The following PRKG1 variants were observed in gnomAD, a reference collection of about 807,000 sequenced individuals.
PRKG1 encodes the protein cGMP-dependent protein kinase 1.
Under a neutral mutation model 88.1 loss-of-function variants are expected in PRKG1, and 35 were observed. The ratio of observed to expected loss-of-function variants is 0.40; its 90% CI spans 0.30 to 0.53. PRKG1 has a LOEUF of 0.53. Among genes scored for constraint, PRKG1 ranks in the 20% least tolerant of loss-of-function variants. The pLI, the probability that PRKG1 is intolerant of heterozygous loss-of-function variation, is 0.59. For missense variants in PRKG1, 540 were observed against 839.8 expected (o/e 0.64, Z 4.41); for synonymous variants, 303 against 292.5 (o/e 1.04, Z -0.37).
At chr10:51,383,323 A>G (rs1837160025) in intron 2 of PRKG1, among the ~76,000 whole-genome samples, 1 of 152,112 alleles carries the variant, frequency 6.6e-6, no homozygotes, top group South Asian at 2.1e-4. Flanking sequence ...AAGAAAGAGA[A>G]GGAGGGAAAA....
chr10:51,895,105 T>C (rs1434885115), intron 4 of PRKG1, among the ~76,000 whole-genome samples: 3 of 152,220 alleles, frequency 2.0e-5, no homozygotes, highest in Admixed American at 2.0e-4. Context: ...CCACATTAAA[T>C]TAATCATCTG....
At chr10:51,759,549 C>T (rs1296450554) in intron 3 of PRKG1, among the ~76,000 whole-genome samples, 5 of 152,174 alleles carry the variant, frequency 3.3e-5, no homozygotes, top group Non-Finnish European at 5.9e-5. Context: ...GCTGGGATTA[C>T]AGGTGTGAGA....
chr10:51,250,095 C>G (rs1839391447), intron 2 of PRKG1, among the ~76,000 whole-genome samples: 1 of 151,636 alleles, frequency 6.6e-6, no homozygotes, highest in Non-Finnish European at 1.5e-5. Flanking sequence ...GAGGCTTGTC[C>G]CTCTCATTGC....
intron 5 of PRKG1, among the ~76,000 whole-genome samples, chr10:52,007,809 G>A (rs77629034): frequency 0.044 from 6,738 of 152,052 alleles, 360 homozygotes; most frequent in African/African-American, 0.13. Context: ...CCACCTAAAA[G>A]CAACAGAATA....
At chr10:51,691,371 G>A (rs1317744379) in intron 3 of PRKG1, among the ~76,000 whole-genome samples, 1 of 149,988 alleles carries the variant, frequency 6.7e-6, no homozygotes, top group Non-Finnish European at 1.5e-5. Flanking sequence ...GCAGTGGCGA[G>A]ATCCCGGCTC....
intron 1 of PRKG1, among the ~76,000 whole-genome samples, chr10:51,135,277 T>C (rs1845660787): frequency 6.6e-6 from 1 of 152,168 alleles, no homozygotes; most frequent in Admixed American, 6.6e-5. Flanking sequence ...AAAACCTTTT[T>C]AGGCAGAGAG....
intron 3 of PRKG1, chr10:51,698,653 A>G (rs939004475): frequency 1.2e-6 from 2 of 1,614,162 alleles, no homozygotes; most frequent in Admixed American, 1.7e-5. Flanking sequence ...CCCGCTCTAA[A>G]GGCACTGGGC....
chr10:51,100,284 A>G (rs1401276841), intron 1 of PRKG1, among the ~76,000 whole-genome samples: 2 of 152,228 alleles, frequency 1.3e-5, no homozygotes, highest in Non-Finnish European at 2.9e-5. Flanking sequence ...GGAAATGTCA[A>G]CTGTAATCTT....
chr10:51,958,601 A>G (rs1001137064), intron 5 of PRKG1, among the ~76,000 whole-genome samples: 1 of 138,346 alleles, frequency 7.2e-6, no homozygotes, highest in Non-Finnish European at 1.5e-5. Context: ...TTTTTTGTCA[A>G]TGAATATGTG....
At position 52,257,717 on chromosome 10, in the gene PRKG1, G is replaced by A. The variant is rs540525576; in HGVS notation, c.1173+6051G>A. 2.1e-5 allele frequency among the ~76,000 whole-genome samples: 3 copies of A among 139,808 alleles called. No homozygotes were observed. The East Asian group carries it at 6.2e-4, about 29-fold the overall frequency. The allele number at this position is 139,808 out of a possible 152,430, so 91.7% of individuals were successfully genotyped here. ...TACTCTGTGGTTTATTATTAAATATGTAATTCTCATGTTATGTTTATTCTT... is the reference window on the plus strand; with the variant it reads ...TACTCTGTGGTTTATTATTAAATATATAATTCTCATGTTATGTTTATTCTT... On this transcript the variant is annotated intron_variant, in intron 10 of 17. Coordinates refer to ENST00000373980, the MANE Select transcript of PRKG1 (RefSeq NM_006258.4).
At chr10:51,079,979 C>A (rs1294807715) in intron 1 of PRKG1, among the ~76,000 whole-genome samples, 1 of 152,162 alleles carries the variant, frequency 6.6e-6, no homozygotes, top group Non-Finnish European at 1.5e-5. Flanking sequence ...CCTAGGCAAA[C>A]TGAACATCAA....
chr10:52,179,095 C>T (rs1838942542), intron 9 of PRKG1, among the ~76,000 whole-genome samples: 1 of 146,356 alleles, frequency 6.8e-6, no homozygotes. Flanking sequence ...TTCTTCCTCC[C>T]TTGTTTATTT....
chr10:51,396,928 T>C (rs192032817), intron 2 of PRKG1, among the ~76,000 whole-genome samples: 274 of 152,256 alleles, frequency 1.8e-3, no homozygotes, highest in Middle Eastern at 3.4e-3. Flanking sequence ...TTTAATGCAA[T>C]ATTTTAAAAA....
At chr10:51,214,872 C>G (rs1468317538) in intron 2 of PRKG1, among the ~76,000 whole-genome samples, 2 of 152,000 alleles carry the variant, frequency 1.3e-5, no homozygotes, top group African/African-American at 4.8e-5. Context: ...GGACCTCTGC[C>G]CAATATCTTT....
chr10:52,292,012 T>C (rs1842260357), intron 17 of PRKG1, among the ~76,000 whole-genome samples: 1 of 152,154 alleles, frequency 6.6e-6, no homozygotes, highest in Non-Finnish European at 1.5e-5. Flanking sequence ...AGTGATCCAG[T>C]GATGATGAGT....
At chr10:52,219,186 G>A (rs1477972280) in intron 9 of PRKG1, among the ~76,000 whole-genome samples, 2 of 113,998 alleles carry the variant, frequency 1.8e-5, no homozygotes, top group Non-Finnish European at 3.6e-5. Context: ...ATTTTGAGCT[G>A]GGAGGCTTTA....
intron 3 of PRKG1, among the ~76,000 whole-genome samples, chr10:51,687,860 A>G (rs73341700): frequency 0.02 from 3,038 of 152,272 alleles, 118 homozygotes; most frequent in African/African-American, 0.069. Flanking sequence ...TTCCCCAAAC[A>G]ACAATAATTT....
rs181148854 is a variant in PRKG1 at position 51,204,126 on chromosome 10, C to T, written c.478+50796C>T. Among the ~76,000 whole-genome samples the T allele has an allele frequency of 2.4e-3, 362 of 152,270 alleles. 2 individuals carry two copies. Among genetic ancestry groups the T allele is most frequent in the African/African-American group, 8.3e-3 (344 of 41,552 alleles). ...CATTTAGGATGAGTGAAATTCATTT[C>T]CCCCTCTTTATAAAGGATTGTATTA... On this transcript the variant is annotated intron_variant, in intron 2 of 17. Coordinates refer to ENST00000373980, the MANE Select transcript of PRKG1 (RefSeq NM_006258.4).
intron 3 of PRKG1, among the ~76,000 whole-genome samples, chr10:51,540,987 G>T (rs1212906356): frequency 6.6e-6 from 1 of 152,156 alleles, no homozygotes; most frequent in African/African-American, 2.4e-5. Context: ...AAAGTGCTGG[G>T]ATTACAGGCG....
Sources: gnomAD v4.1 joint callset for allele counts (sites outside exome capture counted in the v4.1 genomes callset) on GRCh38, gnomAD v4.1.1 for gene constraint, MANE v1.5 for transcripts, NCBI Gene and HGNC (gene_info 2026-07-23, HGNC 2026-07-21) for gene names.